AMOTL1: variants seen among roughly 807,000 people sequenced by gnomAD.
AMOTL1 encodes angiomotin like 1, also known as angiomotin-like protein 1.
AMOTL1 carries 45 observed loss-of-function variants against 102.9 expected under a neutral mutation model. That is an observed-to-expected ratio of 0.44 (90% CI 0.34 to 0.56). AMOTL1 has a LOEUF of 0.56. Among genes scored for constraint, AMOTL1 ranks in the 20% least tolerant of loss-of-function variants. The pLI, the probability that AMOTL1 is intolerant of heterozygous loss-of-function variation, is 0.01. For synonymous variants in AMOTL1, 481 were observed against 484.7 expected, an observed-to-expected ratio of 0.99 and a Z score of 0.10; for missense variants, 1,114 against 1,225.6, an observed-to-expected ratio of 0.91 and a Z score of 1.36.
In AMOTL1 at chr11:94,799,397, TC is replaced by T; in HGVS notation, c.209del (p.Pro70LeufsTer11). ...CCTATGTTTATCTTTTAGTTGAAGA[TC>T]CTCTTTGTAACTTCCACTCCCCAAA... ...SSIREKVVED[P>X]LCNFHSPNFL... On this transcript the variant is annotated frameshift_variant, in exon 3 of 13. Coordinates refer to ENST00000433060, the MANE Select transcript of AMOTL1 (RefSeq NM_130847.3). LOFTEE classifies it high-confidence loss of function. This position sits in a 1 kb window ranked among gnomAD's most constrained non-coding sequence, Gnocchi z 4.5. 6.4e-7 allele frequency: 1 copy of T among 1,564,928 alleles called. No homozygotes were observed. Among genetic ancestry groups the T allele is most frequent in the Non-Finnish European group, 8.7e-7 (1 of 1,152,942 alleles).
intron 1 of AMOTL1, among the ~76,000 whole-genome samples, chr11:94,790,161 G>A (rs890522915): frequency 6.6e-6 from 1 of 152,168 alleles, no homozygotes; most frequent in African/African-American, 2.4e-5. Context: ...ACTTGGTACT[G>A]AGAACATTCC....
intron 4 of AMOTL1, among the ~76,000 whole-genome samples, chr11:94,826,375 C>T (rs1304799554): frequency 6.6e-6 from 1 of 152,050 alleles, no homozygotes; most frequent in Non-Finnish European, 1.5e-5. Flanking sequence ...CTTTTTTATT[C>T]CCTTTTGTGT....
chr11:94,845,001 G>C lies in AMOTL1; in HGVS notation c.1649-5113G>C, dbSNP rs1001569534. Among the ~76,000 whole-genome samples the C allele has an allele frequency of 2.3e-4, 35 of 152,306 alleles. No homozygotes were observed. The East Asian group carries it at 6.0e-3, about 26-fold the overall frequency. ...CCTATGTAGGAAGTGCTGGCTTACA[G>C]GTTTGCTGTCCTCAGAAGCCCCAGC... On this transcript the variant is annotated intron_variant, in intron 6 of 12. Coordinates refer to ENST00000433060, the MANE Select transcript of AMOTL1 (RefSeq NM_130847.3).
intron 1 of AMOTL1, among the ~76,000 whole-genome samples, chr11:94,771,245 C>G (rs948937213): frequency 7.6e-5 from 2 of 26,452 alleles, no homozygotes; most frequent in Admixed American, 5.2e-4. Context: ...ATTTTCTTTT[C>G]TTTTTGGCGG....
intron 1 of AMOTL1, among the ~76,000 whole-genome samples, chr11:94,718,603 T>A (rs2135439360): frequency 6.6e-6 from 1 of 152,094 alleles, no homozygotes; most frequent in Admixed American, 6.5e-5. Context: ...TTTTAAAACA[T>A]TTTGCCAATG....
At chr11:94,794,917 CTG>C (rs1353344629) in intron 1 of AMOTL1, 92 bp from the exon 2 acceptor site, 6 of 1,371,632 alleles carry the variant, frequency 4.4e-6, no homozygotes, top group Non-Finnish European at 5.9e-6. Context: ...AGTTGAAACA[CTG>C]TGGGAGAATG....
chr11:94,801,067 A>G (rs751421546), intron 3 of AMOTL1, among the ~76,000 whole-genome samples: 3 of 152,164 alleles, frequency 2.0e-5, no homozygotes, highest in South Asian at 2.1e-4. Flanking sequence ...TTGCCATTCA[A>G]TGTGCTGTTC....
At chr11:94,860,455 T>C (rs539315135) in intron 9 of AMOTL1, among the ~76,000 whole-genome samples, 1 of 152,314 alleles carries the variant, frequency 6.6e-6, no homozygotes, top group East Asian at 1.9e-4. Context: ...TAGCTCAAAG[T>C]GTGCAGTAAT....
chr11:94,830,689 A>T (rs985762968), intron 5 of AMOTL1, among the ~76,000 whole-genome samples: 1 of 152,228 alleles, frequency 6.6e-6, no homozygotes, highest in Non-Finnish European at 1.5e-5. Context: ...ATAAGTAGAC[A>T]ATAAACTCGC....
chr11:94,854,163 T>C (rs1952609868), intron 8 of AMOTL1, 81 bp downstream of exon 8: 1 of 1,425,626 alleles, frequency 7.0e-7, no homozygotes. Flanking sequence ...ATGGGCCAGA[T>C]CCTGCACCTT....
At chr11:94,829,900 A>C in intron 4 of AMOTL1, 150 bp from the exon 5 acceptor site, 3 of 721,826 alleles carry the variant, frequency 4.2e-6, no homozygotes. Context: ...AGTGAAATCG[A>C]TTATACAGTT....
intron 9 of AMOTL1, among the ~76,000 whole-genome samples, chr11:94,863,599 A>G (rs1196383336): frequency 2.0e-5 from 3 of 152,174 alleles, no homozygotes; most frequent in African/African-American, 7.2e-5. Context: ...TCTCAAAAAA[A>G]AAAAAGTTTT....
At chr11:94,825,840 C>T (rs1951952141) in intron 4 of AMOTL1, among the ~76,000 whole-genome samples, 1 of 152,234 alleles carries the variant, frequency 6.6e-6, no homozygotes, top group Non-Finnish European at 1.5e-5. Flanking sequence ...GAGTCTACTT[C>T]AACTTCCCAT....
chr11:94,816,540 T>G (rs1392066229), intron 3 of AMOTL1, among the ~76,000 whole-genome samples: 1 of 152,230 alleles, frequency 6.6e-6, no homozygotes, highest in Non-Finnish European at 1.5e-5. Flanking sequence ...CAAACACATT[T>G]TATATTTTAT....
intron 1 of AMOTL1, among the ~76,000 whole-genome samples, chr11:94,769,649 C>T (rs1225849001): frequency 6.6e-6 from 1 of 152,100 alleles, no homozygotes; most frequent in Non-Finnish European, 1.5e-5. Flanking sequence ...GTGGCAAATA[C>T]CTTTTGGCCG....
chr11:94,793,062 A>G (rs76270333), intron 1 of AMOTL1, among the ~76,000 whole-genome samples: 3,086 of 152,302 alleles, frequency 0.02, 57 homozygotes, highest in Admixed American at 0.029. Flanking sequence ...TTATACACAT[A>G]TTCATATATA....
At chr11:94,756,090 C>CT (rs1165886171) in intron 3 of AMOTL1, among the ~76,000 whole-genome samples, 1 of 150,716 alleles carries the variant, frequency 6.6e-6, no homozygotes, top group East Asian at 1.9e-4. Flanking sequence ...AGACTCTCCT[C>CT]TGACTGCCCC....
At chr11:94,712,595 G>T (rs1950036730) in intron 1 of AMOTL1, among the ~76,000 whole-genome samples, 1 of 151,948 alleles carries the variant, frequency 6.6e-6, no homozygotes, top group Non-Finnish European at 1.5e-5. Flanking sequence ...ATCTGACAAA[G>T]GTCTAATATC....
intron 4 of AMOTL1, among the ~76,000 whole-genome samples, chr11:94,823,698 T>C (rs954126671): frequency 6.6e-6 from 1 of 151,544 alleles, no homozygotes; most frequent in Non-Finnish European, 1.5e-5. Context: ...TTATTTTTCA[T>C]TGCCTTTTTA....
Sources: allele counts gnomAD v4.1 joint callset (sites outside exome capture counted in the v4.1 genomes callset), GRCh38; gene constraint gnomAD v4.1.1; non-coding constraint Gnocchi (gnomAD v3.1); transcripts MANE v1.5; gene names NCBI Gene and HGNC (gene_info 2026-07-23, HGNC 2026-07-21).